The following MAPK10 variants were observed in gnomAD, a reference collection of about 807,000 sequenced individuals.
MAPK10 encodes the protein mitogen-activated protein kinase 10.
In MAPK10, 25 loss-of-function variants were observed where a neutral mutation model predicts 59.3. The ratio of observed to expected loss-of-function variants is 0.42; its 90% CI spans 0.31 to 0.59. The LOEUF is 0.59. MAPK10 is among the 20% of genes least tolerant of loss of function. MAPK10 has a pLI of 0.15. For synonymous variants in MAPK10, 190 were observed against 200.5 expected (o/e 0.95, Z 0.44); for missense variants, 351 against 568.9 (o/e 0.62, Z 3.90).
chr4:86,166,887 GA>G (rs1381459714), intron 3 of MAPK10, among the ~76,000 whole-genome samples: 1 of 151,788 alleles, frequency 6.6e-6, no homozygotes, highest in East Asian at 1.9e-4. Context: ...GAGCAGAATA[GA>G]AAAACATAGA....
At chr4:86,515,228 C>A (rs1231143365) in intron 1 of MAPK10, among the ~76,000 whole-genome samples, 1 of 152,122 alleles carries the variant, frequency 6.6e-6, no homozygotes, top group Non-Finnish European at 1.5e-5. Context: ...TCTGTATCCA[C>A]TCTTTGGTTG....
At position 86,380,007 on chromosome 4, in the gene MAPK10, G is replaced by A. The variant is rs1472310846; in HGVS notation, c.-121-25363C>T. ...TCCCAGCACTTTGGGAGGCTGAGAAGGGTGGATCACCTGAGGTCAGGAGTT... is the reference window on the plus strand; with the variant it reads ...TCCCAGCACTTTGGGAGGCTGAGAAAGGTGGATCACCTGAGGTCAGGAGTT... On this transcript the variant is annotated intron_variant, in intron 1 of 13. Coordinates refer to the MAPK10 transcript ENST00000361569. Among the ~76,000 whole-genome samples, 3 of 152,086 alleles carry A rather than the reference G, an allele frequency of 2.0e-5. No homozygotes were observed. In the East Asian group the frequency reaches 5.8e-4, roughly 29 times the overall value.
At chr4:86,404,310 G>C (rs1388198547) in intron 1 of MAPK10, among the ~76,000 whole-genome samples, 1 of 152,124 alleles carries the variant, frequency 6.6e-6, no homozygotes, top group Non-Finnish European at 1.5e-5. Flanking sequence ...GAAGAGAATT[G>C]ATATCAGTGC....
intron 1 of MAPK10, among the ~76,000 whole-genome samples, chr4:86,449,787 T>G (rs1750481490): frequency 6.6e-6 from 1 of 152,236 alleles, no homozygotes; most frequent in South Asian, 2.1e-4. Context: ...ATATGAGACT[T>G]CATCCCAGAA....
At chr4:86,414,420 G>A (rs1030318028) in intron 1 of MAPK10, among the ~76,000 whole-genome samples, 2 of 152,040 alleles carry the variant, frequency 1.3e-5, no homozygotes, top group East Asian at 1.9e-4. Flanking sequence ...CAGGCCTTAC[G>A]CTAGAAATTC....
intron 1 of MAPK10, among the ~76,000 whole-genome samples, chr4:86,373,073 GGAACA>G (rs1297418546): frequency 6.6e-6 from 1 of 152,038 alleles, no homozygotes; most frequent in Non-Finnish European, 1.5e-5. Context: ...ATAGACCAAT[GGAACA>G]GAACAGAGGC....
At chr4:86,257,595 C>T (rs1017244227) in intron 2 of MAPK10, among the ~76,000 whole-genome samples, 1 of 152,220 alleles carries the variant, frequency 6.6e-6, no homozygotes, top group Non-Finnish European at 1.5e-5. Flanking sequence ...TTAGTCCTCA[C>T]GTGGTTGACC....
chr4:86,068,683 T>A (rs1280475392), intron 9 of MAPK10, among the ~76,000 whole-genome samples: 1 of 152,110 alleles, frequency 6.6e-6, no homozygotes, highest in Non-Finnish European at 1.5e-5. Context: ...ACATCCAAGT[T>A]TAGAAAGTAC....
In MAPK10 at chr4:86,365,152, T is replaced by G. The variant is rs529916311; in HGVS notation, c.-121-10508A>C. Among the ~76,000 whole-genome samples the G allele has an allele frequency of 1.6e-3, 240 of 152,152 alleles. 1 individual carries two copies. Among genetic ancestry groups the G allele is most frequent in the Middle Eastern group, 3.4e-3 (1 of 292 alleles). ...TTGTATTACTGTAACTTTGTGAATA[T>G]GTAACATCTCACCTTGGCCAGGTAA... is the stretch of plus-strand genomic sequence containing the variant. On this transcript the variant is annotated intron_variant, in intron 1 of 13. Coordinates refer to the MAPK10 transcript ENST00000361569.
At chr4:86,429,111 T>C (rs1204150951) in intron 1 of MAPK10, among the ~76,000 whole-genome samples, 1 of 152,208 alleles carries the variant, frequency 6.6e-6, no homozygotes, top group Non-Finnish European at 1.5e-5. Flanking sequence ...TTTTCTTTCT[T>C]TCTTTCTTTT....
At chr4:86,442,812 A>AT (rs1415099167) in intron 1 of MAPK10, among the ~76,000 whole-genome samples, 92 of 152,180 alleles carry the variant, frequency 6.0e-4, no homozygotes, top group East Asian at 2.7e-3. Flanking sequence ...TCCGAATGAT[A>AT]TTTGGGATGT....
chr4:86,229,832 G>T (rs1024112054), intron 2 of MAPK10, among the ~76,000 whole-genome samples: 3 of 151,956 alleles, frequency 2.0e-5, no homozygotes, highest in Admixed American at 2.0e-4. Context: ...GAGGAGAGAG[G>T]ATTACTTGAG....
intron 10 of MAPK10, among the ~76,000 whole-genome samples, chr4:86,066,636 G>T (rs1193807002): frequency 6.6e-6 from 1 of 151,794 alleles, no homozygotes; most frequent in Non-Finnish European, 1.5e-5. Context: ...GTGGTGGCGG[G>T]CGCCTGTAGT....
chr4:86,160,916 G>A (rs939800822), intron 3 of MAPK10, among the ~76,000 whole-genome samples: 32 of 152,076 alleles, frequency 2.1e-4, no homozygotes, highest in Middle Eastern at 3.4e-3. Flanking sequence ...TGAAATAGAA[G>A]TACTATCTAA....
chr4:86,130,217 C>T (rs1444779301), intron 4 of MAPK10, among the ~76,000 whole-genome samples: 1 of 152,094 alleles, frequency 6.6e-6, no homozygotes, highest in Non-Finnish European at 1.5e-5. Context: ...TATTCAACAA[C>T]AATTTACTGA....
intron 9 of MAPK10, among the ~76,000 whole-genome samples, chr4:86,094,450 G>A (rs2053853763): frequency 6.6e-6 from 1 of 151,904 alleles, no homozygotes; most frequent in Non-Finnish European, 1.5e-5. Context: ...CATGCAGTAT[G>A]CCTGTCTTTA....
At chr4:86,256,888 C>G (rs1194395844) in intron 2 of MAPK10, among the ~76,000 whole-genome samples, 1 of 73,446 alleles carries the variant, frequency 1.4e-5, no homozygotes, top group African/African-American at 2.0e-4. Context: ...CTACAGGCGC[C>G]CGCCATTGCG....
intron 11 of MAPK10, among the ~76,000 whole-genome samples, chr4:86,043,890 C>T (rs1261000614): frequency 1.3e-5 from 2 of 152,146 alleles, no homozygotes; most frequent in East Asian, 3.9e-4. Context: ...AACTGAGGCA[C>T]ACAAAGATTT....
At chr4:86,083,233 A>G (rs2051041898) in intron 9 of MAPK10, among the ~76,000 whole-genome samples, 2 of 152,116 alleles carry the variant, frequency 1.3e-5, no homozygotes, top group Admixed American at 6.6e-5. Context: ...AAGCACCTTC[A>G]TAAGGACCAA....
Sources: allele counts gnomAD v4.1 joint callset (sites outside exome capture counted in the v4.1 genomes callset), GRCh38; gene constraint gnomAD v4.1.1; transcripts MANE v1.5; gene names NCBI Gene and HGNC (gene_info 2026-07-23, HGNC 2026-07-21).